Variants in PLXNA4 observed in about 807,000 individuals in gnomAD.
PLXNA4 encodes plexin-A4.
Under a neutral mutation model 191.8 loss-of-function variants are expected in PLXNA4, and 44 were observed. The observed-to-expected ratio is 0.23, with a 90% CI of 0.18 to 0.29. The LOEUF is 0.29. Among genes scored for constraint, PLXNA4 ranks in the 10% least tolerant of loss-of-function variants. The probability of loss-of-function intolerance (pLI) is 1.00; values close to 1 mark genes in which losing one functional copy is unlikely to be tolerated. For synonymous variants in PLXNA4, 1,082 were observed against 1,009.5 expected, an observed-to-expected ratio of 1.07 and a Z score of -1.36; for missense variants, 1,800 against 2,488.8, an observed-to-expected ratio of 0.72 and a Z score of 5.89.
intron 21 of PLXNA4, among the ~76,000 whole-genome samples, chr7:132,171,736 T>C (rs957712430): frequency 1.7e-4 from 26 of 152,170 alleles, no homozygotes; most frequent in Admixed American, 3.3e-4. Context: ...TAGCATCCTA[T>C]TCAGCAGCAT....
intron 3 of PLXNA4, among the ~76,000 whole-genome samples, chr7:132,428,509 G>A (rs2117182059): frequency 1.3e-5 from 2 of 152,342 alleles, no homozygotes; most frequent in African/African-American, 4.8e-5. Flanking sequence ...AAACAGCTGG[G>A]TCTCTAGGGC....
chr7:132,222,529 C>G (rs971496530), intron 9 of PLXNA4, among the ~76,000 whole-genome samples: 7 of 152,044 alleles, frequency 4.6e-5, no homozygotes, highest in Non-Finnish European at 1.0e-4. Context: ...CCTTCTCTCA[C>G]AGCTGTGGGG....
At chr7:132,224,069 G>A (rs1298533427) in intron 8 of PLXNA4, among the ~76,000 whole-genome samples, 1 of 152,174 alleles carries the variant, frequency 6.6e-6, no homozygotes, top group Non-Finnish European at 1.5e-5. Context: ...AGGAGGAAGT[G>A]ACTGAGGCTG....
Position 132,482,101 on chromosome 7 carries a change from T to C in PLXNA4, c.1371+7191A>G, listed in dbSNP as rs186020553. Among the ~76,000 whole-genome samples the C allele has an allele frequency of 2.5e-3, 375 of 152,302 alleles. 2 individuals carry two copies. The highest frequency in any genetic ancestry group is 4.2e-3 in the Non-Finnish European group (289 of 68,012). ...CAATGGCTGAGAAACAAAGCCCTCA[T>C]GTAGAAGGCAGCCTCCAACATAGCC... On this transcript the variant is annotated intron_variant, in intron 3 of 31. Coordinates refer to ENST00000321063, the MANE Select transcript of PLXNA4 (RefSeq NM_020911.2).
chr7:132,282,517 C>G (rs747111483), intron 4 of PLXNA4, among the ~76,000 whole-genome samples: 1 of 149,502 alleles, frequency 6.7e-6, no homozygotes, highest in Non-Finnish European at 1.5e-5. Flanking sequence ...GGAAGGATGG[C>G]TTGAACCTGG....
chr7:132,589,835 C>A (rs968597154), intron 2 of PLXNA4, among the ~76,000 whole-genome samples: 1 of 152,164 alleles, frequency 6.6e-6, no homozygotes, highest in African/African-American at 2.4e-5. Flanking sequence ...CTAGGAACAA[C>A]TTCCTTGAGG....
intron 3 of PLXNA4, among the ~76,000 whole-genome samples, chr7:132,317,844 T>C (rs576828116): frequency 1.1e-4 from 17 of 152,058 alleles, no homozygotes; most frequent in Non-Finnish European, 2.1e-4. Flanking sequence ...CTGGCTCAGG[T>C]TACACCTGGC....
At chr7:132,178,732 TTGTAAATGAAACACATACAC>T (rs2116721000) in intron 20 of PLXNA4, among the ~76,000 whole-genome samples, 1 of 37,216 alleles carries the variant, frequency 2.7e-5, no homozygotes, top group East Asian at 7.6e-4. Flanking sequence ...ACACACACAC[TTGTAAATGAAACACATACAC>T]ACACACACAC....
At position 132,383,595 on chromosome 7, in the gene PLXNA4, G is replaced by A. The variant is rs1345862469; in HGVS notation, c.1372-85373C>T. On this transcript the variant is annotated intron_variant, in intron 3 of 31. Coordinates refer to ENST00000321063, the MANE Select transcript of PLXNA4 (RefSeq NM_020911.2). ...GTTATCACACAAGAATCAGTTACAA[G>A]ATTGGCCTTTATAAACTAAGTTTTC... The A allele has an allele frequency of 3.0e-6, 3 of 984,158 alleles. No individual in the cohort carries two copies. In the African/African-American group the frequency reaches 5.2e-5, roughly 17 times the overall value. The allele number at this position is 984,158 out of a possible 1,614,324, so 61.0% of individuals were successfully genotyped here. A position where few individuals can be genotyped will look rare whatever the true frequency, so the allele number is the denominator to read the frequency against.
At chr7:132,309,183 A>T (rs1451413384) in intron 3 of PLXNA4, among the ~76,000 whole-genome samples, 2 of 152,210 alleles carry the variant, frequency 1.3e-5, no homozygotes, top group Non-Finnish European at 2.9e-5. Context: ...GGAGAGACTC[A>T]GAAAGCCAAC....
chr7:132,520,734 C>T (rs1347278334), intron 1 of PLXNA4, among the ~76,000 whole-genome samples: 2 of 152,138 alleles, frequency 1.3e-5, no homozygotes, highest in Non-Finnish European at 2.9e-5. Flanking sequence ...TGTCCGGCCG[C>T]CCCTCCACTC....
intron 2 of PLXNA4, among the ~76,000 whole-genome samples, chr7:132,492,432 C>T (rs151204690): frequency 6.6e-6 from 1 of 152,318 alleles, no homozygotes; most frequent in Non-Finnish European, 1.5e-5. Flanking sequence ...GACTCTCTTC[C>T]TCTGCAGAAC....
chr7:132,504,158 T>C (rs891030745), intron 2 of PLXNA4, among the ~76,000 whole-genome samples: 2 of 152,244 alleles, frequency 1.3e-5, no homozygotes, highest in Non-Finnish European at 2.9e-5. Flanking sequence ...CACCTGAAGT[T>C]GAGGTACAGC....
intron 3 of PLXNA4, among the ~76,000 whole-genome samples, chr7:132,412,163 A>T: frequency 6.6e-6 from 1 of 152,186 alleles, no homozygotes; most frequent in South Asian, 2.1e-4. Context: ...GACCCCCAAA[A>T]CTTGATTATC....
intron 3 of PLXNA4, among the ~76,000 whole-genome samples, chr7:132,451,427 C>T (rs1796121244): frequency 1.3e-5 from 2 of 152,264 alleles, no homozygotes; most frequent in Middle Eastern, 3.4e-3. Context: ...TGCTGAGCAG[C>T]TTAGAGGGTA....
chr7:132,152,247 C>G (rs1308206544), intron 25 of PLXNA4, among the ~76,000 whole-genome samples: 2 of 152,176 alleles, frequency 1.3e-5, no homozygotes, highest in Non-Finnish European at 2.9e-5. Context: ...CTCTCCTAAG[C>G]TGCATGGCTG....
chr7:132,449,148 T>C (rs1796023995), intron 3 of PLXNA4, among the ~76,000 whole-genome samples: 1 of 152,220 alleles, frequency 6.6e-6, no homozygotes, highest in Non-Finnish European at 1.5e-5. Flanking sequence ...TGATTAGGCA[T>C]ACACATGACC....
chr7:132,395,096 G>A (rs1230467335), intron 3 of PLXNA4, among the ~76,000 whole-genome samples: 1 of 152,216 alleles, frequency 6.6e-6, no homozygotes, highest in African/African-American at 2.4e-5. Context: ...CTGATAAACA[G>A]CTAGGGGAGC....
At chr7:132,380,250 T>C (rs961585052) in intron 3 of PLXNA4, among the ~76,000 whole-genome samples, 1 of 152,176 alleles carries the variant, frequency 6.6e-6, no homozygotes, top group Non-Finnish European at 1.5e-5. Flanking sequence ...GAGAGCAGCC[T>C]GTGGAATTTG....
Sources: gnomAD v4.1 joint callset for allele counts (sites outside exome capture counted in the v4.1 genomes callset) on GRCh38, gnomAD v4.1.1 for gene constraint, MANE v1.5 for transcripts, NCBI Gene and HGNC (gene_info 2026-07-23, HGNC 2026-07-21) for gene names.